SEMA3A: variants seen among roughly 807,000 people sequenced by gnomAD.
The protein encoded by SEMA3A is semaphorin 3A.
A neutral mutation model predicts 97.9 loss-of-function variants in SEMA3A; 29 were observed. That is an observed-to-expected ratio of 0.30 (90% CI 0.22 to 0.40). The LOEUF is 0.40. Among genes scored for constraint, SEMA3A ranks in the 10% least tolerant of loss-of-function variants. SEMA3A has a pLI of 1.00. For missense variants in SEMA3A, 763 were observed against 951.3 expected (o/e 0.80, Z 2.60); for synonymous variants, 321 against 323.7 (o/e 0.99, Z 0.09).
At chr7:84,152,772 A>G (rs889646275) in intron 1 of SEMA3A, among the ~76,000 whole-genome samples, 4 of 152,108 alleles carry the variant, frequency 2.6e-5, no homozygotes, top group Admixed American at 2.6e-4. Context: ...ATATTTTCAT[A>G]AAATTTCCAA....
At chr7:84,483,800 T>C (rs1312054478) in intron 1 of SEMA3A, among the ~76,000 whole-genome samples, 1 of 151,888 alleles carries the variant, frequency 6.6e-6, no homozygotes, top group Non-Finnish European at 1.5e-5. Context: ...ATCCCAGCAC[T>C]TTGGGAGGCT....
intron 1 of SEMA3A, 136 bp from the exon 2 acceptor site, chr7:84,135,087 T>C (rs1192647445): frequency 1.7e-6 from 1 of 580,298 alleles, no homozygotes; most frequent in Non-Finnish European, 2.8e-6. Context: ...TACTAAGAAA[T>C]ATATTGGAAC....
intron 1 of SEMA3A, among the ~76,000 whole-genome samples, chr7:84,410,555 TAG>T (rs1179269480): frequency 2.6e-5 from 4 of 152,130 alleles, no homozygotes; most frequent in Admixed American, 1.3e-4. Context: ...AATAAAGGAA[TAG>T]AGTGTATTTT....
At chr7:84,424,553 T>TA (rs1804706247) in intron 1 of SEMA3A, among the ~76,000 whole-genome samples, 1 of 79,152 alleles carries the variant, frequency 1.3e-5, no homozygotes, top group African/African-American at 8.3e-5. Context: ...TTAATATATA[T>TA]TATATATAAT....
At chr7:84,102,516 G>T (rs1198525753) in intron 4 of SEMA3A, among the ~76,000 whole-genome samples, 1 of 149,852 alleles carries the variant, frequency 6.7e-6, no homozygotes, top group African/African-American at 2.4e-5. Flanking sequence ...GGGACCCATA[G>T]ACCAGGGCTA....
At chr7:84,369,476 G>A (rs1037138062) in intron 2 of SEMA3A, among the ~76,000 whole-genome samples, 9 of 151,102 alleles carry the variant, frequency 6.0e-5, no homozygotes, top group Non-Finnish European at 1.3e-4. Flanking sequence ...TTGTTTAAGA[G>A]AGTTGCCATG....
chr7:83,975,450 T>C (rs1173598828), intron 15 of SEMA3A, among the ~76,000 whole-genome samples: 1 of 152,178 alleles, frequency 6.6e-6, no homozygotes, highest in East Asian at 1.9e-4. Context: ...AATAACAATG[T>C]ATGACATAAG....
chr7:84,064,987 C>T (rs1232995541), intron 4 of SEMA3A, among the ~76,000 whole-genome samples: 3 of 152,226 alleles, frequency 2.0e-5, no homozygotes, highest in Admixed American at 6.5e-5. Context: ...CACCACACCA[C>T]ACCTATTCCA....
At chr7:84,462,236 A>G (rs529608918) in intron 1 of SEMA3A, among the ~76,000 whole-genome samples, 1 of 152,266 alleles carries the variant, frequency 6.6e-6, no homozygotes, top group African/African-American at 2.4e-5. Flanking sequence ...CTGAGGAATT[A>G]AAAAAAGATA....
chr7:84,260,560 C>T (rs1799825272), intron 3 of SEMA3A, among the ~76,000 whole-genome samples: 1 of 152,172 alleles, frequency 6.6e-6, no homozygotes, highest in South Asian at 2.1e-4. Flanking sequence ...TGGCCTCTCC[C>T]CACTCCCGGC....
At chr7:84,106,657 A>T (rs10488269) in intron 4 of SEMA3A, among the ~76,000 whole-genome samples, 4,860 of 152,308 alleles carry the variant, frequency 0.032, 98 homozygotes, top group South Asian at 0.069. Context: ...TCTTCCTATA[A>T]GATCCAAAGC....
intron 2 of SEMA3A, among the ~76,000 whole-genome samples, chr7:84,356,649 A>T (rs567263172): frequency 1.3e-5 from 2 of 152,094 alleles, no homozygotes; most frequent in East Asian, 3.9e-4. Context: ...GCAGTTTGAA[A>T]AGCCTGTGAT....
chr7:84,491,215 G>A (rs182337070), intron 1 of SEMA3A, among the ~76,000 whole-genome samples: 12 of 152,104 alleles, frequency 7.9e-5, no homozygotes, highest in South Asian at 2.1e-4. Context: ...AACATTGGCC[G>A]ATGGGGAATT....
intron 1 of SEMA3A, among the ~76,000 whole-genome samples, chr7:84,147,419 A>G (rs1796494748): frequency 6.6e-6 from 1 of 152,180 alleles, no homozygotes; most frequent in African/African-American, 2.4e-5. Context: ...ACTGATCTGT[A>G]TGAGTGCAAA....
chr7:84,410,106 A>G (rs1161680036), intron 1 of SEMA3A, among the ~76,000 whole-genome samples: 1 of 152,008 alleles, frequency 6.6e-6, no homozygotes, highest in Non-Finnish European at 1.5e-5. Flanking sequence ...CAAGACTGTT[A>G]ATTGTTTTGT....
Position 84,046,348 on chromosome 7 carries a change from G to T in SEMA3A, c.643C>A (p.Gln215Lys). Residue 215 changes from glutamine (Q) to lysine (K), a missense_variant, in exon 6 of 17, where the codon CAG becomes AAG. Coordinates refer to ENST00000265362, the MANE Select transcript of SEMA3A (RefSeq NM_006080.3). ...LGHHHPIRTEQHDSRWLNDPK... is the reference protein window; with the variant it reads ...LGHHHPIRTEKHDSRWLNDPK... ...CCATTGAGCCACCTGGAATCATGCT[G>T]CTCTGTCCTGATTGGGTGGTGGTGC... 6.2e-7 allele frequency: 1 copy of T among 1,613,132 alleles called. No individual in the cohort carries two copies. The highest frequency in any genetic ancestry group is 8.5e-7 in the Non-Finnish European group (1 of 1,179,334).
chr7:84,391,697 C>A (rs1803583152), intron 1 of SEMA3A, among the ~76,000 whole-genome samples: 1 of 152,034 alleles, frequency 6.6e-6, no homozygotes, highest in Non-Finnish European at 1.5e-5. Context: ...ACAGGCCAGG[C>A]ATGGTGGCTC....
At chr7:84,043,323 G>A (rs1792216689) in intron 6 of SEMA3A, among the ~76,000 whole-genome samples, 1 of 151,920 alleles carries the variant, frequency 6.6e-6, no homozygotes, top group Non-Finnish European at 1.5e-5. Flanking sequence ...TGAAAGTAGT[G>A]AAACTCCATT....
At position 84,063,083 on chromosome 7, in the gene SEMA3A, G is replaced by A. The variant is rs192010596; in HGVS notation, c.454-2525C>T. ...GCCGCTGGAGATCTGAGAACGGGCA[G>A]ACTGCCTCCTCAAGTGGGTCCCTGA... On this transcript the variant is annotated intron_variant, in intron 4 of 16. Transcript: ENST00000265362. Among the ~76,000 whole-genome samples the A allele has an allele frequency of 1.2e-3, 190 of 152,062 alleles. 1 individual carries two copies. The East Asian group carries it at 0.015, about 12-fold the overall frequency.
Sources: gnomAD v4.1 joint callset for allele counts (sites outside exome capture counted in the v4.1 genomes callset) on GRCh38, gnomAD v4.1.1 for gene constraint, MANE v1.5 for transcripts, NCBI Gene and HGNC (gene_info 2026-07-23, HGNC 2026-07-21) for gene names.